Variants in SLCO1B3 observed in about 807,000 individuals in gnomAD.
The protein encoded by SLCO1B3 is liver-specific organic anion transporter 2.
Under a neutral mutation model 71.8 loss-of-function variants are expected in SLCO1B3, and 72 were observed. The observed-to-expected ratio is 1.00, with a 90% confidence interval of 0.83 to 1.22. The LOEUF (loss-of-function observed/expected upper bound fraction) is 1.22. Among genes scored for constraint, SLCO1B3 ranks in the 50% most tolerant of loss-of-function variants. The pLI is 0.00. For missense variants in SLCO1B3, 911 were observed against 819.7 expected (o/e 1.11, Z -1.36); for synonymous variants, 298 against 278.4 (o/e 1.07, Z -0.70).
intron 4 of SLCO1B3, among the ~76,000 whole-genome samples, chr12:20,857,227 A>G (rs771478957): frequency 1.3e-5 from 2 of 152,196 alleles, no homozygotes; most frequent in Admixed American, 6.5e-5. Context: ...ATTTACTAGC[A>G]TGTATCCGAG....
At chr12:20,831,230 G>A (rs113483579) in intron 3 of SLCO1B3, among the ~76,000 whole-genome samples, 11,799 of 151,770 alleles carry the variant, frequency 0.078, 941 homozygotes, top group African/African-American at 0.2. Flanking sequence ...GGTGGCACGC[G>A]CCTGTAGTTC....
chr12:20,894,093 A>G (rs978251803), intron 13 of SLCO1B3, among the ~76,000 whole-genome samples: 12 of 152,226 alleles, frequency 7.9e-5, no homozygotes, highest in African/African-American at 2.9e-4. Context: ...ACAGCAGGTC[A>G]TGATGGTTGA....
chr12:20,829,732 G>C (rs1448326596), intron 3 of SLCO1B3, among the ~76,000 whole-genome samples: 1 of 152,152 alleles, frequency 6.6e-6, no homozygotes, highest in African/African-American at 2.4e-5. Context: ...TCCATAGAGA[G>C]AGCAGCCCCG....
chr12:20,877,651 A>T (rs1403113755), intron 9 of SLCO1B3, 121 bp from the exon 10 acceptor site: 25 of 391,812 alleles, frequency 6.4e-5, no homozygotes, highest in South Asian at 1.2e-4. Context: ...AAAGGTCGCG[A>T]CTCTCTTAGA....
rs1865187794 is a variant in SLCO1B3, at chr12:20,858,495, A to C, written c.283A>C (p.Lys95Gln). ...SYFGSKLHRP[K>Q]LIGIGCLLMG... ...CTTTGGATCTAAACTACACAGACCG[A>C]AGTTAATTGGAATTGGTTGTCTCCT... The change falls in exon 5 of 16, where the codon AAG becomes CAG. Residue 95 changes from lysine to glutamine, a missense_variant. Lys to Gln is a moderately conservative substitution (Grantham distance 53). Transcript: ENST00000381545. 1.3e-6 allele frequency: 2 copies of C among 1,598,282 alleles called. No homozygotes were observed. Among genetic ancestry groups the C allele is most frequent in the South Asian group, 2.2e-5 (2 of 90,702 alleles).
intron 3 of SLCO1B3, among the ~76,000 whole-genome samples, chr12:20,845,992 T>C (rs1246419468): frequency 6.6e-6 from 1 of 151,756 alleles, no homozygotes; most frequent in Non-Finnish European, 1.5e-5. Context: ...TTTTTTTAAC[T>C]GTTGTTCCAT....
At position 20,910,496 on chromosome 12, in the gene SLCO1B3, T is replaced by C. The variant is rs144426315; in HGVS notation, c.1866-5508T>C. On this transcript the variant is annotated intron_variant, in intron 15 of 15. Transcript: ENST00000381545. ...TTGTCAATATCCACAAAATAACTTA[T>C]AGAGATTTTGATTGGGCTTGCATTG... is the stretch of plus-strand genomic sequence containing the variant. Among the ~76,000 whole-genome samples, 50 of 152,286 alleles carry C rather than the reference T, an allele frequency of 3.3e-4. 1 individual carries two copies. The East Asian group carries it at 5.4e-3, about 16-fold the overall frequency.
At chr12:20,838,041 C>CT (rs1864719516) in intron 3 of SLCO1B3, among the ~76,000 whole-genome samples, 1 of 151,634 alleles carries the variant, frequency 6.6e-6, no homozygotes, top group Non-Finnish European at 1.5e-5. Flanking sequence ...AGTATTATAT[C>CT]TTTTTTGAGA....
intron 8 of SLCO1B3, among the ~76,000 whole-genome samples, chr12:20,865,294 C>A (rs1257289308): frequency 1.3e-5 from 2 of 152,060 alleles, no homozygotes; most frequent in East Asian, 3.9e-4. Flanking sequence ...ACAATATGAT[C>A]ACATAAATCA....
At chr12:20,859,426 A>C (rs533765542) in intron 5 of SLCO1B3, among the ~76,000 whole-genome samples, 5 of 152,106 alleles carry the variant, frequency 3.3e-5, no homozygotes, top group African/African-American at 1.2e-4. Flanking sequence ...TGTTAGAGAC[A>C]CCAATTCCTT....
chr12:20,845,387 A>G (rs1346499703), intron 3 of SLCO1B3: 1 of 200,878 alleles, frequency 5.0e-6, no homozygotes, highest in Non-Finnish European at 1.0e-5. Context: ...TCCTGGCTAT[A>G]TGGGACTCTC....
intron 5 of SLCO1B3, among the ~76,000 whole-genome samples, chr12:20,860,399 G>A (rs1865236453): frequency 6.6e-6 from 1 of 152,030 alleles, no homozygotes; most frequent in Non-Finnish European, 1.5e-5. Context: ...TGATCTTCAT[G>A]TTTTATTTCT....
intron 3 of SLCO1B3, among the ~76,000 whole-genome samples, chr12:20,827,555 A>G (rs1024633692): frequency 2.9e-5 from 4 of 136,072 alleles, no homozygotes; most frequent in African/African-American, 1.1e-4. Flanking sequence ...CAATTTAGAT[A>G]TTTCAGACTT....
rs1865562626 is a variant in SLCO1B3 at position 20,875,461 on chromosome 12, T to G, written c.954T>G (p.Val318=). 1.2e-6 allele frequency: 2 copies of G among 1,601,984 alleles called. No homozygotes were observed. Among genetic ancestry groups the G allele is most frequent in the Non-Finnish European group, 1.7e-6 (2 of 1,177,506 alleles). The part of the protein sequence containing the change: ...TANLTNQGKN[V]TKNVTGFFQS... ...ATTTGACCAACCAAGGAAAAAATGT[T>G]ACCAAAAATGTGACTGGTAGGTATT... The change falls in exon 9 of 16, where the codon GTT becomes GTG. Residue 318 remains valine (V), a synonymous_variant. Coordinates refer to ENST00000381545, the MANE Select transcript of SLCO1B3 (RefSeq NM_019844.4).
intron 15 of SLCO1B3, among the ~76,000 whole-genome samples, chr12:20,911,056 C>T (rs1038082599): frequency 2.0e-5 from 3 of 151,808 alleles, no homozygotes; most frequent in Non-Finnish European, 4.4e-5. Flanking sequence ...GAGTTCTTCA[C>T]CATCAAGTAA....
chr12:20,867,957 C>T (rs2121270775), intron 8 of SLCO1B3, among the ~76,000 whole-genome samples: 1 of 152,278 alleles, frequency 6.6e-6, no homozygotes, highest in African/African-American at 2.4e-5. Context: ...GCCTCCCCTT[C>T]CTCCTCCTCT....
intron 4 of SLCO1B3, among the ~76,000 whole-genome samples, chr12:20,857,153 A>G (rs1865156953): frequency 6.6e-6 from 1 of 152,132 alleles, no homozygotes; most frequent in African/African-American, 2.4e-5. Context: ...TATATGAGAA[A>G]TTATTACCAC....
chr12:20,848,654 TA>T (rs1472829566), intron 3 of SLCO1B3, among the ~76,000 whole-genome samples: 1 of 152,040 alleles, frequency 6.6e-6, no homozygotes, highest in Non-Finnish European at 1.5e-5. Context: ...TTTTAGTGAT[TA>T]AAAAGAAATG....
At chr12:20,880,442 G>A (rs992559889) in intron 11 of SLCO1B3, among the ~76,000 whole-genome samples, 1 of 151,858 alleles carries the variant, frequency 6.6e-6, no homozygotes, top group Non-Finnish European at 1.5e-5. Context: ...GAGCTTAGAG[G>A]AACCTCAATC....
Sources: allele counts gnomAD v4.1 joint callset (sites outside exome capture counted in the v4.1 genomes callset), GRCh38; gene constraint gnomAD v4.1.1; transcripts MANE v1.5; gene names NCBI Gene and HGNC (gene_info 2026-07-23, HGNC 2026-07-21).